MAP3K15: variants seen among roughly 807,000 people sequenced by gnomAD.
The protein encoded by MAP3K15 is MAPK/ERK kinase kinase 15.
Under a neutral mutation model 99.5 loss-of-function variants are expected in MAP3K15, and 124 were observed. The observed-to-expected ratio is 1.25, with a 90% confidence interval of 1.08 to 1.45. MAP3K15 has a LOEUF of 1.45. Ranked by LOEUF, MAP3K15 falls within the 40% of genes most tolerant of loss-of-function variation. The pLI is 0.00. For synonymous variants in MAP3K15, 494 were observed against 439.6 expected, an observed-to-expected ratio of 1.12 and a Z score of -1.55; for missense variants, 1,242 against 1,079.7, an observed-to-expected ratio of 1.15 and a Z score of -2.11.
Position 19,484,972 on chromosome X carries a change from A to G in MAP3K15, c.525+1510T>C, listed in dbSNP as rs558050729. On this transcript the variant is annotated intron_variant, in intron 3 of 28. Transcript: ENST00000338883. ...CTGCACCTCCTGGGCCTCAGGCCCA[A>G]TCTCCTTCGACTTCTTCCCCATTTC... is the stretch of plus-strand genomic sequence containing the variant. 7.2e-4 allele frequency among the ~76,000 whole-genome samples: 80 copies of G among 111,107 alleles called. No individual in the cohort carries two copies. The South Asian group carries it at 0.031, about 42-fold the overall frequency.
At chrX:19,412,552 C>A (rs944378848) in intron 11 of MAP3K15, among the ~76,000 whole-genome samples, 5 of 110,005 alleles carry the variant, frequency 4.5e-5, no homozygotes, top group Non-Finnish European at 9.5e-5. Context: ...AGCTCAGGGG[C>A]GAGTAAGAGG....
chrX:19,423,496 G>A (rs946549546), intron 9 of MAP3K15, among the ~76,000 whole-genome samples: 1 of 112,303 alleles, frequency 8.9e-6, no homozygotes, highest in African/African-American at 3.2e-5. Flanking sequence ...TTGCCAGGCA[G>A]TGGTGGTCAC....
intron 1 of MAP3K15, among the ~76,000 whole-genome samples, chrX:19,497,923 T>C (rs1254130240): frequency 9.0e-6 from 1 of 111,640 alleles, no homozygotes; most frequent in Admixed American, 9.6e-5. Context: ...TTTTGAAAAC[T>C]TTCCTTACAA....
intron 7 of MAP3K15, among the ~76,000 whole-genome samples, chrX:19,427,247 G>A (rs757779719): frequency 1.8e-5 from 2 of 109,801 alleles, no homozygotes; most frequent in East Asian, 2.9e-4. Context: ...GGGCTCAAGC[G>A]ATCCTCCCAC....
rs981363844 is a variant in MAP3K15, at chrX:19,470,224, A to T, written c.526-5818T>A. On this transcript the variant is annotated intron_variant, in intron 3 of 28. Transcript: ENST00000338883. ...CACCATGGAATACTATGCAGCCATAAAAAAGGATGAGTTCATGTCCTTTGT... is the reference window on the plus strand; with the variant it reads ...CACCATGGAATACTATGCAGCCATATAAAAGGATGAGTTCATGTCCTTTGT... Among the ~76,000 whole-genome samples, 32 of 111,731 alleles carry T rather than the reference A, an allele frequency of 2.9e-4. No individual in the cohort carries two copies. In the Admixed American group the frequency reaches 3.0e-3, roughly 11 times the overall value.
At chrX:19,441,458 C>T (rs1369719379) in intron 6 of MAP3K15, among the ~76,000 whole-genome samples, 1 of 110,985 alleles carries the variant, frequency 9.0e-6, no homozygotes, top group East Asian at 2.8e-4. Flanking sequence ...AACCCACCGA[C>T]TTGTACACTT....
chrX:19,462,518 T>C (rs1223631717), intron 4 of MAP3K15, among the ~76,000 whole-genome samples: 3 of 112,225 alleles, frequency 2.7e-5, no homozygotes, highest in Non-Finnish European at 3.8e-5. Flanking sequence ...TAAAAAGTTA[T>C]ACTTCAGCCT....
chrX:19,499,884 A>AT (rs2064430155), intron 1 of MAP3K15, among the ~76,000 whole-genome samples: 1 of 112,398 alleles, frequency 8.9e-6, no homozygotes, highest in Admixed American at 9.5e-5. Context: ...AGGTTTAGTC[A>AT]TTTTTTAAAG....
chrX:19,374,279 C>G (rs1279262831), intron 20 of MAP3K15, among the ~76,000 whole-genome samples, 198 bp downstream of exon 20: 1 of 111,549 alleles, frequency 9.0e-6, no homozygotes, highest in Admixed American at 9.5e-5. Flanking sequence ...GTCAGGAGAT[C>G]GAGGTGCATG....
intron 3 of MAP3K15, among the ~76,000 whole-genome samples, chrX:19,482,488 A>C (rs1395959463): frequency 8.9e-6 from 1 of 112,374 alleles, no homozygotes; most frequent in East Asian, 2.8e-4. Context: ...AAGTGATAGA[A>C]GCCAGATGCA....
At chrX:19,441,698 T>C (rs1169726118) in intron 6 of MAP3K15, among the ~76,000 whole-genome samples, 1 of 111,879 alleles carries the variant, frequency 8.9e-6, no homozygotes, top group Non-Finnish European at 1.9e-5. Context: ...ACTCAAGCCA[T>C]CCGCCTGCCT....
At chrX:19,420,642 C>G (rs866387742) in intron 9 of MAP3K15, among the ~76,000 whole-genome samples, 1 of 111,502 alleles carries the variant, frequency 9.0e-6, no homozygotes, top group Non-Finnish European at 1.9e-5. Flanking sequence ...GAAACTATTC[C>G]AATCAATAGA....
At chrX:19,502,984 G>C (rs1175544613) in intron 1 of MAP3K15, among the ~76,000 whole-genome samples, 1 of 111,724 alleles carries the variant, frequency 9.0e-6, no homozygotes, top group African/African-American at 3.3e-5. Flanking sequence ...AACTTTGAGA[G>C]ACCAGTTACA....
chrX:19,468,807 T>C (rs924364413), intron 3 of MAP3K15, among the ~76,000 whole-genome samples: 4 of 111,618 alleles, frequency 3.6e-5, no homozygotes, highest in Admixed American at 9.5e-5. Context: ...CAGTGGTTTG[T>C]AGATCTCCTT....
intron 16 of MAP3K15, among the ~76,000 whole-genome samples, chrX:19,393,418 G>T (rs1237064534): frequency 1.8e-5 from 2 of 112,050 alleles, no homozygotes; most frequent in Non-Finnish European, 3.8e-5. Context: ...ATCACCTGAG[G>T]TCAGGAGTTC....
chrX:19,478,611 T>C (rs1404816886), intron 3 of MAP3K15, among the ~76,000 whole-genome samples: 1 of 110,661 alleles, frequency 9.0e-6, no homozygotes, highest in Non-Finnish European at 1.9e-5. Context: ...TTTCAAAGAA[T>C]TTCTAATTTA....
At chrX:19,414,942 A>C (rs980856552) in intron 10 of MAP3K15, among the ~76,000 whole-genome samples, 165 bp downstream of exon 10, 2 of 112,246 alleles carry the variant, frequency 1.8e-5, no homozygotes, top group African/African-American at 6.5e-5. Flanking sequence ...ATGATCTATG[A>C]GTGAGCTGAT....
At chrX:19,423,667 A>G (rs2063804909) in intron 9 of MAP3K15, among the ~76,000 whole-genome samples, 1 of 112,065 alleles carries the variant, frequency 8.9e-6, no homozygotes, top group Non-Finnish European at 1.9e-5. Flanking sequence ...AACTCCACAC[A>G]TTCAAAAGAA....
chrX:19,382,010 C>T (rs1227587349), intron 18 of MAP3K15, among the ~76,000 whole-genome samples: 1 of 111,131 alleles, frequency 9.0e-6, no homozygotes, highest in Non-Finnish European at 1.9e-5. Flanking sequence ...TTTGGGAGGC[C>T]GAGGCAGGCG....
Sources: allele counts gnomAD v4.1 joint callset (sites outside exome capture counted in the v4.1 genomes callset), GRCh38; gene constraint gnomAD v4.1.1; transcripts MANE v1.5; gene names NCBI Gene and HGNC (gene_info 2026-07-23, HGNC 2026-07-21).